The following CSMD3 variants were observed in gnomAD, a reference collection of about 807,000 sequenced individuals.
CSMD3 encodes CUB and sushi domain-containing protein 3.
A neutral mutation model predicts 435.2 loss-of-function variants in CSMD3; 177 were observed. That is an observed-to-expected ratio of 0.41 (90% CI 0.36 to 0.46). CSMD3 has a LOEUF of 0.46. CSMD3 is among the 20% of genes least tolerant of loss of function. CSMD3 has a pLI of 0.34. For synonymous variants in CSMD3, 1,656 were observed against 1,520.5 expected (o/e 1.09, Z -2.07); for missense variants, 4,265 against 4,504.6 (o/e 0.95, Z 1.52).
intron 1 of CSMD3, among the ~76,000 whole-genome samples, chr8:113,428,224 CTATCT>C (rs2094648048): frequency 2.0e-5 from 3 of 149,746 alleles, no homozygotes; most frequent in Non-Finnish European, 4.5e-5. Flanking sequence ...ATCTATCTAT[CTATCT>C]ATCTATCTAT....
In CSMD3 at chr8:113,343,830, G is replaced by A. The variant is rs530261178; in HGVS notation, c.179-29037C>T. 5.1e-3 allele frequency among the ~76,000 whole-genome samples: 780 copies of A among 152,254 alleles called. 12 individuals are homozygous for A. Among genetic ancestry groups the A allele is most frequent in the African/African-American group, 0.018 (753 of 41,552 alleles). ...CTCATGCCTGTAATCCCAGCACTTT[G>A]GGAGGCTGAGGCGGGTGGATCACGA... On this transcript the variant is annotated intron_variant, in intron 1 of 70. Transcript: ENST00000297405.
At chr8:113,052,661 A>G (rs1056383052) in intron 5 of CSMD3, among the ~76,000 whole-genome samples, 4 of 152,134 alleles carry the variant, frequency 2.6e-5, no homozygotes, top group Non-Finnish European at 5.9e-5. Flanking sequence ...GCATGCCTAT[A>G]GTCCAAGCTA....
intron 23 of CSMD3, among the ~76,000 whole-genome samples, chr8:112,584,209 G>T (rs1376494022): frequency 6.6e-6 from 1 of 151,630 alleles, no homozygotes; most frequent in South Asian, 2.1e-4. Flanking sequence ...GCCAAAGAAG[G>T]ATATAATCAT....
At chr8:112,714,107 A>C (rs893039936) in intron 13 of CSMD3, among the ~76,000 whole-genome samples, 5 of 152,230 alleles carry the variant, frequency 3.3e-5, no homozygotes, top group Non-Finnish European at 7.3e-5. Flanking sequence ...TAAATGCCTC[A>C]ATTAAAAGGC....
At chr8:112,535,637 C>A (rs564049311) in intron 27 of CSMD3, among the ~76,000 whole-genome samples, 273 of 152,074 alleles carry the variant, frequency 1.8e-3, no homozygotes, top group African/African-American at 6.3e-3. Context: ...CATCAAGCTA[C>A]CAATGACTTT....
intron 59 of CSMD3, among the ~76,000 whole-genome samples, chr8:112,278,176 A>C (rs1818268726): frequency 6.6e-6 from 1 of 152,160 alleles, no homozygotes; most frequent in Admixed American, 6.5e-5. Context: ...GGCAGTGAGT[A>C]GGGTGGCCCA....
intron 13 of CSMD3, among the ~76,000 whole-genome samples, chr8:112,768,097 T>A (rs16884089): frequency 0.33 from 50,290 of 151,438 alleles, 9,203 homozygotes; most frequent in African/African-American, 0.5. Flanking sequence ...ATATAGTTTA[T>A]GTTCTTCTTT....
At chr8:113,123,744 G>A (rs999886105) in intron 4 of CSMD3, among the ~76,000 whole-genome samples, 4 of 151,902 alleles carry the variant, frequency 2.6e-5, no homozygotes, top group African/African-American at 9.7e-5. Flanking sequence ...ATCCTTTTTT[G>A]TGGGTAGAGA....
At chr8:112,537,013 C>A (rs368247950) in intron 27 of CSMD3, among the ~76,000 whole-genome samples, 2 of 151,902 alleles carry the variant, frequency 1.3e-5, no homozygotes, top group African/African-American at 4.8e-5. Flanking sequence ...ATTCTAGGGA[C>A]CATTTTGGGG....
At chr8:112,396,216 T>A (rs1830848721) in intron 35 of CSMD3, among the ~76,000 whole-genome samples, 2 of 152,106 alleles carry the variant, frequency 1.3e-5, no homozygotes, top group Non-Finnish European at 2.9e-5. Context: ...GAGAGGGAAA[T>A]CATTAGGAAT....
chr8:112,228,793 T>C lies in CSMD3; in HGVS notation c.10927A>G (p.Ile3643Val), dbSNP rs1474964128. 1 of 1,588,966 alleles carries C rather than the reference T, an allele frequency of 6.3e-7. No homozygotes were observed. Among genetic ancestry groups the C allele is most frequent in the Non-Finnish European group, 8.6e-7 (1 of 1,157,672 alleles). Reference protein sequence around the residue: ...IAILVPFFALIFAGFGFYLYK... With the variant: ...IAILVPFFALVFAGFGFYLYK... ...AGATAAAATCCAAATCCTGCAAATA[T>C]AAGTGCAAAAAAAGGCACAAGAATA... The change falls in exon 70 of 71, where the codon ATA becomes GTA. Residue 3643 changes from isoleucine (I) to valine (V), a missense_variant. By Grantham distance (29) the Ile-to-Val change is conservative (BLOSUM62 3). Around this residue, in one of 3 missense-constraint regions of CSMD3, gnomAD observed 3,255 missense variants for 3,380.2 expected, o/e 0.96. Transcript: ENST00000297405.
rs2085048229 is a variant in CSMD3, at chr8:112,981,389, A to G, written c.1031-5241T>C. ...AATAGGTAAATACTAATTTAAAAATATAATTGAGTTTAAATACATATCACC... is the reference window on the plus strand; with the variant it reads ...AATAGGTAAATACTAATTTAAAAATGTAATTGAGTTTAAATACATATCACC... On this transcript the variant is annotated intron_variant, in intron 6 of 70. Transcript: ENST00000297405. Among the ~76,000 whole-genome samples, 6 of 151,630 alleles carry G rather than the reference A, an allele frequency of 4.0e-5. No homozygotes were observed. The South Asian group carries it at 1.2e-3, about 31-fold the overall frequency.
At chr8:112,322,251 T>C (rs930949654) in intron 45 of CSMD3, among the ~76,000 whole-genome samples, 11 of 152,092 alleles carry the variant, frequency 7.2e-5, no homozygotes, top group Non-Finnish European at 1.3e-4. Context: ...TTATCATCTG[T>C]GGAATATTCT....
At chr8:112,595,121 A>T (rs1293540158) in intron 22 of CSMD3, among the ~76,000 whole-genome samples, 2 of 148,000 alleles carry the variant, frequency 1.4e-5, no homozygotes, top group Non-Finnish European at 3.0e-5. Context: ...CTTTGAAAAA[A>T]ATTTAGAAGA....
chr8:112,845,145 A>G (rs1452540683), intron 11 of CSMD3, among the ~76,000 whole-genome samples: 1 of 152,072 alleles, frequency 6.6e-6, no homozygotes, highest in East Asian at 1.9e-4. Flanking sequence ...ACAAGCAACT[A>G]TTTTGTCTAG....
chr8:113,363,494 C>T (rs1387612495), intron 1 of CSMD3, among the ~76,000 whole-genome samples: 1 of 152,060 alleles, frequency 6.6e-6, no homozygotes, highest in East Asian at 1.9e-4. Context: ...AATTTAACAC[C>T]AATTTGACTA....
At chr8:112,952,913 T>C (rs1181397338) in intron 8 of CSMD3, among the ~76,000 whole-genome samples, 1 of 151,588 alleles carries the variant, frequency 6.6e-6, no homozygotes, top group Admixed American at 6.6e-5. Context: ...ATTCCCTTTT[T>C]GTTCACCTTC....
In CSMD3 at chr8:112,909,555, TA is replaced by T. The variant is rs535049676; in HGVS notation, c.1633+12071del. On this transcript the variant is annotated intron_variant, in intron 10 of 70. Coordinates refer to ENST00000297405, the MANE Select transcript of CSMD3 (RefSeq NM_198123.2). ...AAATGTTGATACTTTTGACAAACTTTAAAAAAAATTCATGCTTCATAAAGGC... is the reference window on the plus strand; with the variant it reads ...AAATGTTGATACTTTTGACAAACTTTAAAAAAATTCATGCTTCATAAAGGC... Among the ~76,000 whole-genome samples, 6 of 151,618 alleles carry T rather than the reference TA, an allele frequency of 4.0e-5. No individual in the cohort carries two copies. In the East Asian group the frequency reaches 5.8e-4, roughly 15 times the overall value.
rs192973656 is a variant in CSMD3 at position 112,549,125 on chromosome 8, A to G, written c.4564+1546T>C. On this transcript the variant is annotated intron_variant, in intron 27 of 70. Transcript: ENST00000297405. ...TACTGTATGCAGATATTTAATTGCA[A>G]TAACAATTTAAGTGGAAAACACTAT... 2.4e-4 allele frequency among the ~76,000 whole-genome samples: 36 copies of G among 152,182 alleles called. No individual in the cohort carries two copies. The East Asian group carries it at 5.8e-3, about 24-fold the overall frequency.
Sources: allele counts gnomAD v4.1 joint callset (sites outside exome capture counted in the v4.1 genomes callset), GRCh38; gene constraint gnomAD v4.1.1; regional missense constraint gnomAD v4.1.1; transcripts MANE v1.5; gene names NCBI Gene and HGNC (gene_info 2026-07-23, HGNC 2026-07-21).